Variants in RABGAP1L observed in about 807,000 individuals in gnomAD.
RABGAP1L encodes rab GTPase-activating protein 1-like.
A neutral mutation model predicts 137.7 loss-of-function variants in RABGAP1L; 63 were observed. That is an observed-to-expected ratio of 0.46 (90% CI 0.37 to 0.56). The LOEUF is 0.56. Ranked by LOEUF, RABGAP1L falls within the 20% of genes least tolerant of loss-of-function variation. RABGAP1L has a pLI of 0.00. For missense variants in RABGAP1L, 1,095 were observed against 1,244.0 expected, an observed-to-expected ratio of 0.88 and a Z score of 1.80; for synonymous variants, 431 against 433.7, an observed-to-expected ratio of 0.99 and a Z score of 0.08.
At chr1:174,687,439 T>G (rs1678560178) in intron 15 of RABGAP1L, among the ~76,000 whole-genome samples, 1 of 152,232 alleles carries the variant, frequency 6.6e-6, no homozygotes, top group Admixed American at 6.5e-5. Context: ...AGCATTCTGT[T>G]AATGAAAAAC....
At chr1:174,332,724 G>C (rs1409606231) in intron 11 of RABGAP1L, among the ~76,000 whole-genome samples, 1 of 152,044 alleles carries the variant, frequency 6.6e-6, no homozygotes, top group African/African-American at 2.4e-5. Flanking sequence ...TATGCTATTG[G>C]TGAGAAGGTA....
intron 18 of RABGAP1L, among the ~76,000 whole-genome samples, chr1:174,786,019 T>C (rs957805883): frequency 6.6e-6 from 1 of 152,252 alleles, no homozygotes; most frequent in African/African-American, 2.4e-5. Flanking sequence ...GACTAATGTG[T>C]GTATACCATC....
chr1:174,233,138 T>C (rs191632466), intron 4 of RABGAP1L, among the ~76,000 whole-genome samples: 6 of 152,298 alleles, frequency 3.9e-5, no homozygotes, highest in Admixed American at 2.0e-4. Context: ...ACTACTCTTA[T>C]TCAAGAGGAC....
At chr1:174,742,888 G>C (rs1186875241) in intron 17 of RABGAP1L, among the ~76,000 whole-genome samples, 1 of 152,152 alleles carries the variant, frequency 6.6e-6, no homozygotes, top group African/African-American at 2.4e-5. Context: ...CATTCCCTAG[G>C]TGGTGTGTTA....
chr1:174,272,571 G>T, intron 8 of RABGAP1L, 91 bp downstream of exon 8: 1 of 1,386,280 alleles, frequency 7.2e-7, no homozygotes, highest in South Asian at 1.9e-5. Flanking sequence ...TTGTCATATT[G>T]TCAAAATTAT....
At chr1:174,613,846 T>C (rs1456266151) in intron 13 of RABGAP1L, among the ~76,000 whole-genome samples, 6 of 152,204 alleles carry the variant, frequency 3.9e-5, no homozygotes, top group Non-Finnish European at 8.8e-5. Flanking sequence ...TTTGTTGGTG[T>C]AAAGTCTGTT....
intron 15 of RABGAP1L, among the ~76,000 whole-genome samples, chr1:174,686,867 G>A (rs1678512516): frequency 6.6e-6 from 1 of 151,280 alleles, no homozygotes; most frequent in Non-Finnish European, 1.5e-5. Flanking sequence ...CACCATGTTA[G>A]CCAGGCTGGT....
intron 13 of RABGAP1L, among the ~76,000 whole-genome samples, chr1:174,575,858 G>T (rs886592826): frequency 6.6e-6 from 1 of 152,162 alleles, no homozygotes; most frequent in African/African-American, 2.4e-5. Context: ...CTGCAATGCT[G>T]CCAATGCACT....
At chr1:174,986,652 A>G (rs550007369) in intron 24 of RABGAP1L, among the ~76,000 whole-genome samples, 1 of 152,340 alleles carries the variant, frequency 6.6e-6, no homozygotes, top group South Asian at 2.1e-4. Context: ...TAAAATCAGA[A>G]TTCAGCAACA....
At chr1:174,964,555 T>G (rs1311784244) in intron 20 of RABGAP1L, among the ~76,000 whole-genome samples, 1 of 152,236 alleles carries the variant, frequency 6.6e-6, no homozygotes, top group Non-Finnish European at 1.5e-5. Context: ...TGTCTGAAGA[T>G]GAACTATTTT....
intron 13 of RABGAP1L, among the ~76,000 whole-genome samples, chr1:174,567,144 C>T (rs1667641548): frequency 6.6e-6 from 1 of 152,076 alleles, no homozygotes; most frequent in Non-Finnish European, 1.5e-5. Context: ...TTATCCCCAA[C>T]AAAAACTATG....
chr1:174,210,886 T>C (rs758677951), intron 1 of RABGAP1L, among the ~76,000 whole-genome samples: 50 of 152,004 alleles, frequency 3.3e-4, no homozygotes, highest in Admixed American at 1.2e-3. Flanking sequence ...TGGAGCTCCA[T>C]TGTGTCAGAC....
chr1:174,654,948 C>G (rs1675854559), intron 14 of RABGAP1L, among the ~76,000 whole-genome samples: 1 of 94,276 alleles, frequency 1.1e-5, no homozygotes, highest in South Asian at 3.0e-4. Context: ...TTTTTAAACT[C>G]ATTTTTTATG....
intron 19 of RABGAP1L, among the ~76,000 whole-genome samples, chr1:174,951,382 A>C (rs2149325040): frequency 1.3e-5 from 2 of 152,332 alleles, no homozygotes; most frequent in South Asian, 2.1e-4. Flanking sequence ...TCCAAATAAT[A>C]CTTCCCTCAT....
chr1:174,964,189 G>A (rs1351205128), intron 20 of RABGAP1L, among the ~76,000 whole-genome samples: 1 of 152,126 alleles, frequency 6.6e-6, no homozygotes, highest in Non-Finnish European at 1.5e-5. Flanking sequence ...AAGAAAATAT[G>A]TGAGAGTTGA....
At chr1:174,783,959 C>T (rs1424317777) in intron 18 of RABGAP1L, among the ~76,000 whole-genome samples, 1 of 149,126 alleles carries the variant, frequency 6.7e-6, no homozygotes, top group Non-Finnish European at 1.5e-5. Context: ...CCTCCCGCCT[C>T]GCCCTCCTAG....
chr1:174,197,763 G>A (rs1451515884), intron 1 of RABGAP1L, among the ~76,000 whole-genome samples: 4 of 151,628 alleles, frequency 2.6e-5, no homozygotes, highest in Admixed American at 1.3e-4. Context: ...TTGCACCATT[G>A]CACTCCAGCC....
intron 13 of RABGAP1L, among the ~76,000 whole-genome samples, chr1:174,472,530 G>A (rs1293554036): frequency 6.6e-6 from 1 of 152,180 alleles, no homozygotes; most frequent in Non-Finnish European, 1.5e-5. Context: ...AGCAAAATCA[G>A]TAAAGGGAAA....
At chr1:174,340,785 C>G (rs555907773) in intron 11 of RABGAP1L, among the ~76,000 whole-genome samples, 14 of 152,274 alleles carry the variant, frequency 9.2e-5, no homozygotes, top group African/African-American at 3.1e-4. Flanking sequence ...TGGGTATATA[C>G]CCAGTAATGG....
Sources: gnomAD v4.1 joint callset for allele counts (sites outside exome capture counted in the v4.1 genomes callset) on GRCh38, gnomAD v4.1.1 for gene constraint, MANE v1.5 for transcripts, NCBI Gene and HGNC (gene_info 2026-07-23, HGNC 2026-07-21) for gene names.